ZNF674: variants seen among roughly 807,000 people sequenced by gnomAD.
ZNF674 encodes zinc finger protein 674, also known as zinc finger family member 674.
In ZNF674, 2 loss-of-function variants were observed where a neutral mutation model predicts 7.0. That is an observed-to-expected ratio of 0.29 (90% CI 0.12 to 0.90). The LOEUF (loss-of-function observed/expected upper bound fraction) is 0.90. Ranked by LOEUF, ZNF674 falls within the 40% of genes least tolerant of loss-of-function variation. The probability of loss-of-function intolerance (pLI) is 0.57; values close to 1 mark genes in which losing one functional copy is unlikely to be tolerated. For missense variants in ZNF674, 297 were observed against 415.5 expected (o/e 0.71, Z 2.48); for synonymous variants, 103 against 145.2 (o/e 0.71, Z 2.09).
intron 5 of ZNF674, among the ~76,000 whole-genome samples, chrX:46,527,556 T>C (rs1055943210): frequency 8.9e-6 from 1 of 111,928 alleles, no homozygotes; most frequent in African/African-American, 3.2e-5. Context: ...GAAAACAGTT[T>C]AGCAGTGTTT....
At chrX:46,531,270 A>G (rs767873493) in intron 3 of ZNF674, among the ~76,000 whole-genome samples, 1 of 111,544 alleles carries the variant, frequency 9.0e-6, no homozygotes, top group East Asian at 2.8e-4. Flanking sequence ...CTTCTGTAAT[A>G]TCCTTTATAA....
intron 5 of ZNF674, among the ~76,000 whole-genome samples, chrX:46,507,009 T>C (rs1251488705): frequency 5.4e-5 from 6 of 110,878 alleles, no homozygotes; most frequent in Non-Finnish European, 1.1e-4. Flanking sequence ...TCAGAGTCAC[T>C]CTAGACAACT....
intron 3 of ZNF674, among the ~76,000 whole-genome samples, chrX:46,533,827 A>ATATAT (rs1266598721): frequency 2.8e-5 from 2 of 70,794 alleles, no homozygotes; most frequent in African/African-American, 1.6e-4. Context: ...AAAAAAAAAA[A>ATATAT]AAATATATAT....
intron 5 of ZNF674, chrX:46,523,116 G>T: frequency 4.0e-6 from 1 of 251,371 alleles, no homozygotes; most frequent in Non-Finnish European, 7.4e-6. Flanking sequence ...TAATCAATAA[G>T]GATTTCTTTC....
chrX:46,510,917 T>C (rs777022398), intron 5 of ZNF674, among the ~76,000 whole-genome samples: 2 of 112,855 alleles, frequency 1.8e-5, no homozygotes, highest in South Asian at 3.6e-4. Context: ...GTGAAAGCTA[T>C]AGAAGTTACA....
intron 5 of ZNF674, among the ~76,000 whole-genome samples, chrX:46,509,087 G>A (rs1223717002): frequency 9.2e-6 from 1 of 108,859 alleles, no homozygotes; most frequent in Admixed American, 1.0e-4. Flanking sequence ...CTAGCCATAT[G>A]TAGAAAGCTG....
At chrX:46,501,662 A>ATGTG (rs372308686) in intron 5 of ZNF674, among the ~76,000 whole-genome samples, 1,754 of 102,328 alleles carry the variant, frequency 0.017, 31 homozygotes, top group African/African-American at 0.047. Flanking sequence ...TTGTATATAT[A>ATGTG]TGTGTGTGTG....
chrX:46,509,443 A>AC (rs1421539831), intron 5 of ZNF674, among the ~76,000 whole-genome samples: 230 of 108,016 alleles, frequency 2.1e-3, no homozygotes, highest in African/African-American at 7.6e-3. Flanking sequence ...AATTTACAAG[A>AC]AAAAAACAAA....
At chrX:46,511,620 T>C (rs187847992) in intron 5 of ZNF674, among the ~76,000 whole-genome samples, 1 of 112,151 alleles carries the variant, frequency 8.9e-6, no homozygotes, top group East Asian at 2.8e-4. Flanking sequence ...AATCCCAGAG[T>C]TTTCCTTGGA....
At position 46,500,019 on chromosome X, in the gene ZNF674, G is replaced by T. The variant is rs1275403203; in HGVS notation, c.1555C>A (p.Pro519Thr). 8.3e-7 allele frequency: 1 copy of T among 1,208,203 alleles called. No individual in the cohort carries two copies. The highest frequency in any genetic ancestry group is 1.8e-5 in the South Asian group (1 of 56,673). Reference protein sequence around the residue: ...KHQRIHTGEKPYKCSECGKAF... With the variant: ...KHQRIHTGEKTYKCSECGKAF... ...TTCCCACATTCACTACATTTGTAAG[G>T]TTTTTCTCCTGTATGAATTCTCTGA... Residue 519 changes from proline to threonine, a missense_variant, in exon 6 of 6, where the codon CCT (proline) becomes ACT (threonine). By Grantham distance (38) the Pro-to-Thr change is conservative (BLOSUM62 -1). Transcript: ENST00000683375.
intron 3 of ZNF674, among the ~76,000 whole-genome samples, chrX:46,533,830 ATATAT>A (rs1340076025): frequency 3.8e-5 from 2 of 52,522 alleles, no homozygotes; most frequent in African/African-American, 2.4e-4. Context: ...AAAAAAAAAA[ATATAT>A]ATATATATAT....
At chrX:46,538,310 T>C (rs1942235866) in intron 3 of ZNF674, among the ~76,000 whole-genome samples, 1 of 111,370 alleles carries the variant, frequency 9.0e-6, no homozygotes, top group Admixed American at 9.7e-5. Context: ...TAATCTTGAC[T>C]CACAGAATCC....
chrX:46,537,814 C>T (rs759286126), intron 3 of ZNF674, among the ~76,000 whole-genome samples: 1 of 112,012 alleles, frequency 8.9e-6, no homozygotes, highest in Non-Finnish European at 1.9e-5. Flanking sequence ...CAGGGCCAGG[C>T]GTGGTGGCTC....
At chrX:46,544,119 G>A (rs1247210728) in intron 2 of ZNF674, among the ~76,000 whole-genome samples, 1 of 112,704 alleles carries the variant, frequency 8.9e-6, no homozygotes, top group Non-Finnish European at 1.9e-5. Context: ...ACTACAGCAG[G>A]GCACCTGCCC....
intron 1 of ZNF674, among the ~76,000 whole-genome samples, chrX:46,545,025 T>G (rs1321238270): frequency 8.9e-6 from 1 of 111,893 alleles, no homozygotes; most frequent in East Asian, 2.8e-4. Flanking sequence ...GTTTGCTACC[T>G]ACGGGACTTT....
At chrX:46,539,715 T>C (rs1280846546) in intron 3 of ZNF674, among the ~76,000 whole-genome samples, 3 of 112,384 alleles carry the variant, frequency 2.7e-5, no homozygotes, top group Non-Finnish European at 5.6e-5. Context: ...CTAGTAGAGA[T>C]AGAGGCCAGG....
intron 5 of ZNF674, among the ~76,000 whole-genome samples, chrX:46,519,260 A>AAAATAGAT (rs1569476373): frequency 1.8e-5 from 1 of 54,118 alleles, no homozygotes; most frequent in African/African-American, 6.6e-5. Context: ...ATAGATAGAT[A>AAAATAGAT]GATAAAGATA....
chrX:46,521,991 C>A (rs1941923508), intron 5 of ZNF674, among the ~76,000 whole-genome samples: 1 of 108,272 alleles, frequency 9.2e-6, no homozygotes, highest in Non-Finnish European at 1.9e-5. Context: ...GAGTTGAAGA[C>A]TTACGCAGGC....
At chrX:46,506,220 C>T (rs942865241) in intron 5 of ZNF674, among the ~76,000 whole-genome samples, 2 of 111,379 alleles carry the variant, frequency 1.8e-5, no homozygotes, top group African/African-American at 6.5e-5. Context: ...GCACTGAACA[C>T]CTGTTTTTCT....
Sources: allele counts gnomAD v4.1 joint callset (sites outside exome capture counted in the v4.1 genomes callset), GRCh38; gene constraint gnomAD v4.1.1; transcripts MANE v1.5; gene names NCBI Gene and HGNC (gene_info 2026-07-23, HGNC 2026-07-21).